ZSCAN4: variants seen among roughly 807,000 people sequenced by gnomAD.
The protein encoded by ZSCAN4 is zinc finger and SCAN domain containing 4.
Under a neutral mutation model 18.3 loss-of-function variants are expected in ZSCAN4, and 18 were observed. The ratio of observed to expected loss-of-function variants is 0.98; its 90% CI spans 0.68 to 1.46. ZSCAN4 has a LOEUF of 1.46. Among genes scored for constraint, ZSCAN4 ranks in the 40% most tolerant of loss-of-function variants. The probability of loss-of-function intolerance (pLI) is 0.00; values close to 1 mark genes in which losing one functional copy is unlikely to be tolerated. For missense variants in ZSCAN4, 498 were observed against 511.4 expected (o/e 0.97, Z 0.25); for synonymous variants, 193 against 180.3 (o/e 1.07, Z -0.57).
the ZSCAN4 span, among the ~76,000 whole-genome samples, chr19:57,657,847 A>C: frequency 6.6e-6 from 1 of 152,206 alleles, no homozygotes; most frequent in Non-Finnish European, 1.5e-5. Flanking sequence ...TGCTGTTTAA[A>C]TAGTTGCTAT....
chr19:57,672,407 T>C (rs560744082), intron 2 of ZSCAN4, among the ~76,000 whole-genome samples: 4 of 152,250 alleles, frequency 2.6e-5, no homozygotes, highest in Admixed American at 6.5e-5. Context: ...TTTGTATGGA[T>C]TCTGGCTTGT....
chr19:57,676,282 T>C, exon 3 of ZSCAN4: 1 of 1,614,166 alleles, frequency 6.2e-7, no homozygotes, highest in Non-Finnish European at 8.5e-7. Context: ...TCAAGAATGG[T>C]GCTCAATTCA....
chr19:57,657,936 CA>C, the ZSCAN4 span, among the ~76,000 whole-genome samples: 1 of 152,002 alleles, frequency 6.6e-6, no homozygotes. Flanking sequence ...AGTAATGACC[CA>C]AAAAAGGTCT....
the ZSCAN4 span, among the ~76,000 whole-genome samples, chr19:57,658,852 AAG>A: frequency 6.6e-6 from 1 of 151,398 alleles, no homozygotes; most frequent in Non-Finnish European, 1.5e-5. Flanking sequence ...AAAAAAAAAA[AAG>A]AAGTAATATA....
chr19:57,674,623 A>G (rs1325701957), intron 2 of ZSCAN4, among the ~76,000 whole-genome samples: 1 of 152,190 alleles, frequency 6.6e-6, no homozygotes, highest in Non-Finnish European at 1.5e-5. Flanking sequence ...TAGTGCTGCA[A>G]TCAAAATATG....
At chr19:57,674,303 T>A (rs1984113481) in intron 2 of ZSCAN4, among the ~76,000 whole-genome samples, 1 of 152,166 alleles carries the variant, frequency 6.6e-6, no homozygotes, top group Admixed American at 6.5e-5. Flanking sequence ...CAATGGGTAA[T>A]TTTTCAATAC....
intron 2 of ZSCAN4, among the ~76,000 whole-genome samples, chr19:57,674,168 G>A (rs2122301287): frequency 6.6e-6 from 1 of 152,234 alleles, no homozygotes; most frequent in South Asian, 2.1e-4. Flanking sequence ...GCTAATATTT[G>A]GTGAATATTT....
Position 57,674,591 on chromosome 19 carries a change from T to C in ZSCAN4, c.-105-1450T>C, listed in dbSNP as rs549783421. On this transcript the variant is annotated intron_variant, in intron 2 of 4. Coordinates refer to ENST00000318203, the Ensembl canonical transcript of ZSCAN4. ...ACCACTGGTAGACTCTTAGGTTGGT[T>C]CCATGACTTTGCTCCTGTGACTAGT... Among the ~76,000 whole-genome samples the C allele has an allele frequency of 5.3e-5, 8 of 152,334 alleles. 2 individuals carry two copies. The South Asian group carries it at 1.7e-3, about 32-fold the overall frequency.
At chr19:57,672,264 A>G (rs573476823) in intron 2 of ZSCAN4, among the ~76,000 whole-genome samples, 8 of 152,216 alleles carry the variant, frequency 5.3e-5, no homozygotes, top group Non-Finnish European at 7.4e-5. Flanking sequence ...TGTTAATGGG[A>G]AAAAAATTCA....
intron 2 of ZSCAN4, among the ~76,000 whole-genome samples, chr19:57,672,091 T>C (rs1457658177): frequency 6.6e-6 from 1 of 152,318 alleles, no homozygotes; most frequent in Non-Finnish European, 1.5e-5. Context: ...GTGTCTCTAG[T>C]TGTCCAGATA....
chr19:57,659,195 T>C, the ZSCAN4 span, among the ~76,000 whole-genome samples: 1 of 152,208 alleles, frequency 6.6e-6, no homozygotes, highest in African/African-American at 2.4e-5. Flanking sequence ...ACTTTACTTC[T>C]CAGCTGTATC....
exon 5 of ZSCAN4, chr19:57,678,505 A>T: frequency 6.2e-7 from 1 of 1,614,200 alleles, no homozygotes; most frequent in Non-Finnish European, 8.5e-7. Context: ...TGTGAGGTAC[A>T]TCAGAAAGGA....
At chr19:57,656,596 G>A in the ZSCAN4 span, among the ~76,000 whole-genome samples, 1 of 152,268 alleles carries the variant, frequency 6.6e-6, no homozygotes, top group African/African-American at 2.4e-5. Flanking sequence ...TCAGGCATGA[G>A]GCCATTTCCC....
At chr19:57,655,971 G>T in the ZSCAN4 span, among the ~76,000 whole-genome samples, 1 of 151,852 alleles carries the variant, frequency 6.6e-6, no homozygotes, top group Non-Finnish European at 1.5e-5. Context: ...AGAATTAGTC[G>T]ACCTAACTAG....
At chr19:57,652,289 G>A in the ZSCAN4 span, among the ~76,000 whole-genome samples, 3 of 152,184 alleles carry the variant, frequency 2.0e-5, no homozygotes, top group Non-Finnish European at 4.4e-5. Flanking sequence ...GCTGGACAAT[G>A]ATAGTTGATG....
exon 3 of ZSCAN4, chr19:57,676,132 A>T: frequency 1.9e-6 from 3 of 1,590,708 alleles, no homozygotes; most frequent in Non-Finnish European, 2.6e-6. Context: ...TCTCTCTGAG[A>T]ATTATTGCTA....
intron 2 of ZSCAN4, among the ~76,000 whole-genome samples, chr19:57,673,799 G>A (rs1001998022): frequency 2.0e-5 from 3 of 152,092 alleles, no homozygotes; most frequent in African/African-American, 4.8e-5. Flanking sequence ...TGTTGCCTAA[G>A]CTGAAGTGCA....
At chr19:57,663,130 T>C in the ZSCAN4 span, among the ~76,000 whole-genome samples, 1 of 150,362 alleles carries the variant, frequency 6.7e-6, no homozygotes, top group Non-Finnish European at 1.5e-5. Flanking sequence ...CTCCAACTCC[T>C]GAAATCAAGT....
rs557890383 is a variant in ZSCAN4 at position 57,676,889 on chromosome 19, G to A, written c.396+348G>A. Among the ~76,000 whole-genome samples the A allele has an allele frequency of 1.2e-4, 19 of 152,208 alleles. No individual in the cohort carries two copies. In the South Asian group the frequency reaches 2.9e-3, roughly 23 times the overall value. Reference sequence around the variant, plus strand: ...TGCCTCCCAGGCACAAGTCATTCTCGTGGCTCAGCCTCCAGAGTAGCTGGG... The same window carrying A: ...TGCCTCCCAGGCACAAGTCATTCTCATGGCTCAGCCTCCAGAGTAGCTGGG... On this transcript the variant is annotated intron_variant, in intron 3 of 4. Transcript: ENST00000318203.
Sources: allele counts gnomAD v4.1 joint callset (sites outside exome capture counted in the v4.1 genomes callset), GRCh38; gene constraint gnomAD v4.1.1; transcripts MANE v1.5; gene names NCBI Gene and HGNC (gene_info 2026-07-23, HGNC 2026-07-21).